The following IGF2BP1 variants were observed in gnomAD, a reference collection of about 807,000 sequenced individuals.
The protein encoded by IGF2BP1 is insulin-like growth factor 2 mRNA-binding protein 1.
Under a neutral mutation model 74.9 loss-of-function variants are expected in IGF2BP1, and 11 were observed. That is an observed-to-expected ratio of 0.15 (90% CI 0.09 to 0.24). IGF2BP1 has a LOEUF of 0.24. Among genes scored for constraint, IGF2BP1 ranks in the 10% least tolerant of loss-of-function variants. The pLI, the probability that IGF2BP1 is intolerant of heterozygous loss-of-function variation, is 1.00. For synonymous variants in IGF2BP1, 287 were observed against 281.8 expected (o/e 1.02, Z -0.18); for missense variants, 440 against 757.4 (o/e 0.58, Z 4.92).
chr17:49,010,985 A>G (rs1241852794), intron 2 of IGF2BP1, among the ~76,000 whole-genome samples: 1 of 151,512 alleles, frequency 6.6e-6, no homozygotes, highest in Non-Finnish European at 1.5e-5. Context: ...AAAAATACAA[A>G]AACTAGCCAG....
chr17:49,000,256 A>G (rs1816167867), intron 2 of IGF2BP1, among the ~76,000 whole-genome samples: 1 of 152,150 alleles, frequency 6.6e-6, no homozygotes, highest in South Asian at 2.1e-4. Context: ...ATTTCAGGAT[A>G]GTCTCTGGCC....
At chr17:49,034,765 C>CAAACA (rs1555600304) in intron 5 of IGF2BP1, among the ~76,000 whole-genome samples, 3 of 137,520 alleles carry the variant, frequency 2.2e-5, no homozygotes, top group African/African-American at 8.4e-5. Context: ...ACAAAAAAAA[C>CAAACA]AAAAAAAACG....
At chr17:49,032,503 T>C (rs991901457) in intron 5 of IGF2BP1, among the ~76,000 whole-genome samples, 8 of 152,214 alleles carry the variant, frequency 5.3e-5, no homozygotes, top group African/African-American at 1.9e-4. Context: ...GCCCTTTGAT[T>C]GAGCAATTAT....
intron 1 of IGF2BP1, among the ~76,000 whole-genome samples, chr17:48,998,247 C>T (rs990716167): frequency 3.3e-5 from 5 of 152,172 alleles, no homozygotes; most frequent in Non-Finnish European, 7.4e-5. Flanking sequence ...CGGGGATGAC[C>T]CCTGGCTGGG....
At position 49,050,186 on chromosome 17, in the gene IGF2BP1, T is replaced by TTTCCCCACTCTGTTGGGGC. The variant is rs2042151799; in HGVS notation, c.*751_*769dup. The TTTCCCCACTCTGTTGGGGC allele has an allele frequency of 6.6e-6, 1 of 152,598 alleles. No individual in the cohort carries two copies. Among genetic ancestry groups the TTTCCCCACTCTGTTGGGGC allele is most frequent in the Non-Finnish European group, 1.5e-5 (1 of 68,030 alleles). 9.5% of individuals were successfully genotyped at this position (152,598 alleles called of 1,614,324 possible). A position where few individuals can be genotyped will look rare whatever the true frequency, so the allele number is the denominator to read the frequency against. ...CATCTTCAAATTGGCACAACTGAAA[T>TTTCCCCACTCTGTTGGGGC]TTCCCCACTCTGTTGGGGCTTCCCC... On this transcript the variant is annotated 3_prime_UTR_variant, in exon 15 of 15. Coordinates refer to ENST00000290341, the MANE Select transcript of IGF2BP1 (RefSeq NM_006546.4).
chr17:48,999,676 T>C (rs1351083708), intron 2 of IGF2BP1, among the ~76,000 whole-genome samples: 6 of 151,958 alleles, frequency 3.9e-5, no homozygotes, highest in Non-Finnish European at 8.8e-5. Context: ...ACTTTATTTA[T>C]ATTTCTACAA....
At chr17:49,048,220 GACTA>G (rs1453075923) in intron 14 of IGF2BP1, among the ~76,000 whole-genome samples, 10 of 151,376 alleles carry the variant, frequency 6.6e-5, no homozygotes, top group Non-Finnish European at 8.8e-5. Flanking sequence ...TATGCTTTTT[GACTA>G]ACCCATATCT....
intron 2 of IGF2BP1, chr17:49,015,000 G>C: frequency 1.1e-6 from 1 of 950,864 alleles, no homozygotes; most frequent in Non-Finnish European, 1.3e-6. Flanking sequence ...CTCCATCCTC[G>C]GCCGGGCCTC....
At position 49,038,276 on chromosome 17, in the gene IGF2BP1, C is replaced by T; in HGVS notation, c.510C>T (p.Gly170=). The T allele has an allele frequency of 6.2e-7, 1 of 1,602,416 alleles. No individual in the cohort carries two copies. The highest frequency in any genetic ancestry group is 2.3e-5 in the East Asian group (1 of 44,340). Residue 170 remains glycine (G), a synonymous_variant, in exon 6 of 15, where the codon GGC becomes GGT. Coordinates refer to ENST00000290341, the MANE Select transcript of IGF2BP1 (RefSeq NM_006546.4). ...AQGPENGRRG[G]FGSRGQPRQG... is the part of the protein sequence containing the mutation. ...GACCTGAGAATGGGCGCCGAGGGGG[C>T]TTTGGCTCTCGGGGTCAGCCCCGCC...
intron 2 of IGF2BP1, among the ~76,000 whole-genome samples, chr17:48,999,401 T>C (rs2041456809): frequency 6.6e-6 from 1 of 151,956 alleles, no homozygotes; most frequent in African/African-American, 2.4e-5. Context: ...CTAAAAGATG[T>C]TACTTGCAGA....
chr17:49,040,799 A>G (rs2042043690), intron 7 of IGF2BP1, among the ~76,000 whole-genome samples: 2 of 152,332 alleles, frequency 1.3e-5, no homozygotes, highest in South Asian at 4.1e-4. Context: ...CATGTAATCA[A>G]TCTCCTATTT....
At chr17:49,015,459 A>G (rs1172094349) in intron 2 of IGF2BP1, among the ~76,000 whole-genome samples, 1 of 151,840 alleles carries the variant, frequency 6.6e-6, no homozygotes, top group East Asian at 1.9e-4. Flanking sequence ...TTCCCTTCCC[A>G]CTGCCAGTCT....
intron 2 of IGF2BP1, among the ~76,000 whole-genome samples, chr17:49,010,989 T>A (rs1265610323): frequency 6.6e-6 from 1 of 150,910 alleles, no homozygotes; most frequent in East Asian, 2.0e-4. Flanking sequence ...ATACAAAAAC[T>A]AGCCAGGCAT....
Position 49,025,602 on chromosome 17 carries a change from C to G in IGF2BP1, c.237-16C>G, listed in dbSNP as rs769862830. The G allele has an allele frequency of 1.9e-6, 3 of 1,611,342 alleles. No homozygotes were observed. In the South Asian group the frequency reaches 3.3e-5, roughly 18 times the overall value. ...ATTCAGAGCTTTCTTTAACTCTGCT[C>G]CCCCTTTACTTTCAGGAGCCGGAAA... is the stretch of plus-strand genomic sequence containing the variant. On this transcript the variant is annotated splice_polypyrimidine_tract_variant and intron_variant, in intron 2 of 14. Transcript: ENST00000290341.
chr17:49,046,014 G>C lies in IGF2BP1; in HGVS notation c.1520G>C (p.Gly507Ala). ...GCTGGCCGGGTCATTGGCAAAGGTG[G>C]AAAAACGGTGAGCTGTGAGGGCCAG... The part of the protein sequence containing the change: ...SAAGRVIGKG[G>A]KTVNELQNLT... Residue 507 changes from glycine to alanine, a missense_variant, in exon 13 of 15, where the codon GGA becomes GCA. By Grantham distance (60) the Gly-to-Ala change is moderately conservative (BLOSUM62 0). Transcript: ENST00000290341. 6.2e-7 allele frequency: 1 copy of C among 1,613,908 alleles called. No individual in the cohort carries two copies. The highest frequency in any genetic ancestry group is 8.5e-7 in the Non-Finnish European group (1 of 1,179,960).
At position 49,031,830 on chromosome 17, in the gene IGF2BP1, G is replaced by A. The variant is rs553117174; in HGVS notation, c.338-80G>A. 609 of 1,277,022 alleles carry A rather than the reference G, an allele frequency of 4.8e-4. 1 individual carries two copies. In the African/African-American group the frequency reaches 7.8e-3, roughly 16 times the overall value. The allele number at this position is 1,277,022 out of a possible 1,614,324, so 79.1% of individuals were successfully genotyped here. The stretch of plus-strand genomic sequence containing the variant: ...CCAGATGTCTTCTTGATCTCAAAAC[G>A]TGGAAAGCTGGAGTTGGGGATTCAT... On this transcript the variant is annotated intron_variant, in intron 4 of 14. Coordinates refer to ENST00000290341, the MANE Select transcript of IGF2BP1 (RefSeq NM_006546.4).
At chr17:48,996,841 C>A (rs2041406108), upstream of IGF2BP1, among the ~76,000 whole-genome samples, 1 of 152,088 alleles carries the variant, frequency 6.6e-6, no homozygotes, top group Non-Finnish European at 1.5e-5. Flanking sequence ...GGGGGAGTTT[C>A]GTGGGGCTGG....
At chr17:49,035,939 C>CCTA (rs1007052150) in intron 5 of IGF2BP1, among the ~76,000 whole-genome samples, 2 of 152,140 alleles carry the variant, frequency 1.3e-5, no homozygotes, top group Non-Finnish European at 2.9e-5. Flanking sequence ...CTGCACTAGG[C>CCTA]GGGAGTGGAG....
intron 2 of IGF2BP1, among the ~76,000 whole-genome samples, chr17:49,022,409 C>G (rs1024077332): frequency 5.3e-5 from 8 of 152,042 alleles, no homozygotes; most frequent in African/African-American, 1.9e-4. Context: ...CCTCCCTGCC[C>G]CCCGCCCCGC....
Sources: gnomAD v4.1 joint callset for allele counts (sites outside exome capture counted in the v4.1 genomes callset) on GRCh38, gnomAD v4.1.1 for gene constraint, MANE v1.5 for transcripts, NCBI Gene and HGNC (gene_info 2026-07-23, HGNC 2026-07-21) for gene names.